Variants in PHEX observed in about 807,000 individuals in gnomAD.
The protein encoded by PHEX is phosphate regulating endopeptidase X-linked.
In PHEX, 16 loss-of-function variants were observed where a neutral mutation model predicts 68.0. The observed-to-expected ratio is 0.24, with a 90% CI of 0.16 to 0.36. PHEX has a LOEUF of 0.36. Ranked by LOEUF, PHEX falls within the 10% of genes least tolerant of loss-of-function variation. The pLI, the probability that PHEX is intolerant of heterozygous loss-of-function variation, is 1.00. For synonymous variants in PHEX, 208 were observed against 205.1 expected, an observed-to-expected ratio of 1.01 and a Z score of -0.12; for missense variants, 480 against 575.5, an observed-to-expected ratio of 0.83 and a Z score of 1.70.
chrX:22,110,331 T>G, intron 9 of PHEX, among the ~76,000 whole-genome samples: 1 of 112,432 alleles, frequency 8.9e-6, no homozygotes, highest in Non-Finnish European at 1.9e-5. Context: ...TATTGAACAT[T>G]GAATACATGT....
intron 9 of PHEX, among the ~76,000 whole-genome samples, chrX:22,110,115 G>A (rs1021220185): frequency 1.4e-4 from 16 of 112,134 alleles, no homozygotes; most frequent in Non-Finnish European, 2.6e-4. Flanking sequence ...GAATACATAG[G>A]CATTGTATCA....
chrX:22,192,612 CGCTCT>C (rs1934236819), intron 15 of PHEX, among the ~76,000 whole-genome samples: 1 of 112,026 alleles, frequency 8.9e-6, no homozygotes, highest in Admixed American at 9.5e-5. Context: ...ACACCTGACA[CGCTCT>C]GCTCTGGGAG....
intron 6 of PHEX, among the ~76,000 whole-genome samples, chrX:22,091,678 C>T (rs914752011): frequency 8.9e-6 from 1 of 111,879 alleles, no homozygotes; most frequent in South Asian, 3.7e-4. Context: ...TTTCCTATCT[C>T]ATCTGGATTT....
At chrX:22,168,947 T>G (rs147600441) in intron 13 of PHEX, among the ~76,000 whole-genome samples, 1,198 of 111,842 alleles carry the variant, frequency 0.011, 18 homozygotes, top group African/African-American at 0.037. Flanking sequence ...TGGACATGTA[T>G]TTTCCAGTAG....
At chrX:22,095,135 G>GTC (rs1170049149) in intron 7 of PHEX, among the ~76,000 whole-genome samples, 1 of 111,228 alleles carries the variant, frequency 9.0e-6, no homozygotes. Flanking sequence ...GGAGGAATTG[G>GTC]TCTCTCTCTC....
At chrX:22,216,960 C>A (rs1261260979) in intron 16 of PHEX, among the ~76,000 whole-genome samples, 1 of 112,332 alleles carries the variant, frequency 8.9e-6, no homozygotes, top group East Asian at 2.8e-4. Context: ...GATTAAGTAA[C>A]TGAGAATTGA....
At position 22,250,650 on chromosome X, in the gene PHEX, C is replaced by T. The variant is rs1230493228; in HGVS notation, c.*2697C>T. ...TTTATTTGGGCTCATGACCATTGCC[C>T]AAAGTGTACTGAGCTTTTCACTAAG... On this transcript the variant is annotated 3_prime_UTR_variant, in exon 22 of 22. Coordinates refer to ENST00000379374, the MANE Select transcript of PHEX (RefSeq NM_000444.6). The T allele has an allele frequency of 9.0e-6, 1 of 111,731 alleles. No individual in the cohort carries two copies. Among genetic ancestry groups the T allele is most frequent in the Non-Finnish European group, 1.9e-5 (1 of 53,131 alleles). 9.2% of individuals were successfully genotyped at this position (111,731 alleles called of 1,213,427 possible).
chrX:22,244,347 C>T (rs772864902), intron 20 of PHEX, among the ~76,000 whole-genome samples: 26 of 110,267 alleles, frequency 2.4e-4, no homozygotes, highest in Admixed American at 7.7e-4. Flanking sequence ...GACGGGTTGA[C>T]GGGTCCAGTA....
intron 1 of PHEX, among the ~76,000 whole-genome samples, chrX:22,036,050 ATATATT>A (rs1181501436): frequency 7.0e-5 from 4 of 57,518 alleles, no homozygotes; most frequent in South Asian, 8.9e-4. Flanking sequence ...ATATATATAT[ATATATT>A]TTTTTTTTTT....
chrX:22,131,693 G>C (rs1435112674), intron 11 of PHEX, among the ~76,000 whole-genome samples: 12 of 112,588 alleles, frequency 1.1e-4, no homozygotes, highest in African/African-American at 3.9e-4. Context: ...ATTTATTATA[G>C]AACCAAGGAA....
intron 12 of PHEX, among the ~76,000 whole-genome samples, chrX:22,135,011 TTTTC>T (rs1406602457): frequency 3.6e-5 from 4 of 112,273 alleles, no homozygotes; most frequent in African/African-American, 1.3e-4. Context: ...AGCAAGGATA[TTTTC>T]TAGTGCTTTA....
At chrX:22,221,474 G>C (rs1248005794) in intron 17 of PHEX, 139 bp from the exon 18 acceptor site, 19 of 514,089 alleles carry the variant, frequency 3.7e-5, no homozygotes, top group African/African-American at 2.6e-4. Context: ...ACATTGGAGA[G>C]AATGCAGGAG....
At position 22,249,455 on chromosome X, in the gene PHEX, A is replaced by AAAAAATATATAT; in HGVS notation, c.*1503_*1504insAAAATATATATA. 1.7e-3 allele frequency: 68 copies of AAAAAATATATAT among 39,742 alleles called. No individual in the cohort carries two copies. The highest frequency in any genetic ancestry group is 2.4e-3 in the Non-Finnish European group (59 of 24,457). 3.3% of individuals were successfully genotyped at this position (39,742 alleles called of 1,213,427 possible). A position where few individuals can be genotyped will look rare whatever the true frequency, so the allele number is the denominator to read the frequency against. On this transcript the variant is annotated 3_prime_UTR_variant, in exon 22 of 22. Coordinates refer to ENST00000379374, the MANE Select transcript of PHEX (RefSeq NM_000444.6). The stretch of plus-strand genomic sequence containing the variant: ...TTGTGATTCTTTTAAAAAAAAAAAA[A>AAAAAATATATAT]ATATATATATATATATATATATATA...
At chrX:22,041,004 G>A (rs1024485185) in intron 2 of PHEX, among the ~76,000 whole-genome samples, 2 of 108,141 alleles carry the variant, frequency 1.8e-5, no homozygotes, top group African/African-American at 3.4e-5. Flanking sequence ...GAGATGGAGA[G>A]GGAGAATGGG....
intron 20 of PHEX, among the ~76,000 whole-genome samples, chrX:22,231,058 CTGTTTA>C (rs1405911394): frequency 9.0e-6 from 1 of 110,993 alleles, no homozygotes; most frequent in Admixed American, 9.5e-5. Flanking sequence ...GTCATTGGTT[CTGTTTA>C]TGTTTATTGA....
In PHEX at chrX:22,037,898, T is replaced by C. The variant is rs1927095806; in HGVS notation, c.119-571T>C. Reference sequence around the variant, plus strand: ...ACATGCTAGCTTTCTATTTCCACTCTGATTGGCTCCAAATGACATAGTTTA... The same window carrying C: ...ACATGCTAGCTTTCTATTTCCACTCCGATTGGCTCCAAATGACATAGTTTA... On this transcript the variant is annotated intron_variant, in intron 1 of 21. Transcript: ENST00000379374. Among the ~76,000 whole-genome samples the C allele has an allele frequency of 2.7e-5, 3 of 112,040 alleles. No individual in the cohort carries two copies. In the South Asian group the frequency reaches 1.1e-3, roughly 41 times the overall value.
At chrX:22,192,921 G>T (rs962580682) in intron 15 of PHEX, among the ~76,000 whole-genome samples, 14 of 110,991 alleles carry the variant, frequency 1.3e-4, no homozygotes, top group African/African-American at 3.3e-4. Context: ...GTTTCTGCCC[G>T]ACTTCGGTCT....
Position 22,248,840 on chromosome X carries a change from A to G in PHEX, c.*887A>G, listed in dbSNP as rs1183988889. 2.7e-5 allele frequency: 3 copies of G among 111,199 alleles called. No homozygotes were observed. The highest frequency in any genetic ancestry group is 5.7e-5 in the Non-Finnish European group (3 of 53,053). 9.2% of individuals were successfully genotyped at this position (111,199 alleles called of 1,213,427 possible). ...AATTCTTGTTCGTTTCATTACCTTC[A>G]TATGTGTGCATTGTACTGGTTTTGA... On this transcript the variant is annotated 3_prime_UTR_variant, in exon 22 of 22. Coordinates refer to ENST00000379374, the MANE Select transcript of PHEX (RefSeq NM_000444.6).
intron 20 of PHEX, among the ~76,000 whole-genome samples, chrX:22,233,542 G>A (rs187964013): frequency 2.7e-5 from 3 of 110,659 alleles, no homozygotes; most frequent in Non-Finnish European, 5.7e-5. Context: ...TTGTCTTCTC[G>A]CTTTATTTCA....
Sources: allele counts gnomAD v4.1 joint callset (sites outside exome capture counted in the v4.1 genomes callset), GRCh38; gene constraint gnomAD v4.1.1; transcripts MANE v1.5; gene names NCBI Gene and HGNC (gene_info 2026-07-23, HGNC 2026-07-21).